Variants in SFMBT1 observed in about 807,000 individuals in gnomAD.
The protein encoded by SFMBT1 is Scm like with four mbt domains 1.
SFMBT1 carries 32 observed loss-of-function variants against 108.7 expected under a neutral mutation model. The observed-to-expected ratio is 0.29, with a 90% confidence interval of 0.22 to 0.40. The LOEUF is 0.40. SFMBT1 is among the 10% of genes least tolerant of loss of function. The pLI, the probability that SFMBT1 is intolerant of heterozygous loss-of-function variation, is 1.00. For synonymous variants in SFMBT1, 348 were observed against 369.5 expected, an observed-to-expected ratio of 0.94 and a Z score of 0.67; for missense variants, 816 against 1,059.6, an observed-to-expected ratio of 0.77 and a Z score of 3.19.
rs1702011957 is a variant in SFMBT1, at chr3:52,904,136, TG to T, written c.*999del. 1 of 152,218 alleles carries T rather than the reference TG, an allele frequency of 6.6e-6. No homozygotes were observed. Among genetic ancestry groups the T allele is most frequent in the Non-Finnish European group, 1.5e-5 (1 of 68,056 alleles). The allele number at this position is 152,218 out of a possible 1,614,324, so 9.4% of individuals were successfully genotyped here. ...ACAAATGGGCTTCGCTGTGGGTCCATGGAACACTTACTGATTTTCACCCAAA... is the reference window on the plus strand; with the variant it reads ...ACAAATGGGCTTCGCTGTGGGTCCATGAACACTTACTGATTTTCACCCAAA... On this transcript the variant is annotated 3_prime_UTR_variant, in exon 21 of 21. Transcript: ENST00000394752.
intron 1 of SFMBT1, among the ~76,000 whole-genome samples, chr3:53,011,289 G>A (rs1343482617): frequency 1.3e-5 from 2 of 152,134 alleles, no homozygotes; most frequent in African/African-American, 2.4e-5. Flanking sequence ...AGGGTACCAA[G>A]GCTGGCATCA....
At chr3:52,952,133 C>G (rs977686027) in intron 3 of SFMBT1, among the ~76,000 whole-genome samples, 1 of 151,732 alleles carries the variant, frequency 6.6e-6, no homozygotes, top group East Asian at 1.9e-4. Context: ...CTGAGGCGGG[C>G]GGATCACGAG....
At chr3:52,972,132 G>A (rs546801526) in intron 1 of SFMBT1, among the ~76,000 whole-genome samples, 1 of 152,310 alleles carries the variant, frequency 6.6e-6, no homozygotes, top group Non-Finnish European at 1.5e-5. Flanking sequence ...GGGTCACTAG[G>A]CTTTGAAGAT....
At chr3:52,983,371 A>T (rs902868099) in intron 1 of SFMBT1, among the ~76,000 whole-genome samples, 1 of 152,200 alleles carries the variant, frequency 6.6e-6, no homozygotes, top group African/African-American at 2.4e-5. Flanking sequence ...GTGTTGATTG[A>T]CTGCTTATGT....
At chr3:52,913,908 G>A (rs537003752) in intron 14 of SFMBT1, among the ~76,000 whole-genome samples, 4 of 152,072 alleles carry the variant, frequency 2.6e-5, no homozygotes, top group African/African-American at 9.6e-5. Context: ...GAAAGTGGAG[G>A]GTGTATTTTA....
chr3:52,960,986 A>G (rs1428899873), intron 2 of SFMBT1, among the ~76,000 whole-genome samples: 1 of 152,198 alleles, frequency 6.6e-6, no homozygotes, highest in Non-Finnish European at 1.5e-5. Context: ...AATATTTTTA[A>G]AAGTAAGCTG....
At chr3:52,906,779 C>G (rs989264286) in intron 19 of SFMBT1, among the ~76,000 whole-genome samples, 31 of 152,154 alleles carry the variant, frequency 2.0e-4, no homozygotes, top group African/African-American at 7.0e-4. Flanking sequence ...GCAGTTTTCC[C>G]AAAAATAAAT....
intron 17 of SFMBT1, among the ~76,000 whole-genome samples, chr3:52,910,478 C>G (rs1217231595): frequency 6.6e-6 from 1 of 152,102 alleles, no homozygotes; most frequent in African/African-American, 2.4e-5. Context: ...ATTACCCTTA[C>G]ATTTTTTAAA....
At chr3:52,949,656 G>C (rs766208054) in intron 3 of SFMBT1, among the ~76,000 whole-genome samples, 1 of 125,812 alleles carries the variant, frequency 7.9e-6, no homozygotes, top group African/African-American at 3.0e-5. Flanking sequence ...TCGGCTCACC[G>C]CAACCTCCGC....
At chr3:52,974,731 C>A (rs996723397) in intron 1 of SFMBT1, among the ~76,000 whole-genome samples, 19 of 151,280 alleles carry the variant, frequency 1.3e-4, no homozygotes, top group African/African-American at 4.6e-4. Flanking sequence ...TGGCTCACGC[C>A]TGTAATCCCA....
chr3:52,930,303 T>G (rs1331714119), intron 8 of SFMBT1, 26 bp downstream of exon 8: 1 of 1,388,978 alleles, frequency 7.2e-7, no homozygotes. Context: ...CAGGGATTCT[T>G]ACCAAGAGAG....
intron 6 of SFMBT1, 86 bp downstream of exon 6, chr3:52,931,976 A>C: frequency 7.0e-7 from 1 of 1,427,906 alleles, no homozygotes; most frequent in Non-Finnish European, 9.4e-7. Context: ...TTTTCATAAT[A>C]TGCAGAATAT....
At position 53,030,867 on chromosome 3, in the gene SFMBT1, A is replaced by G. The variant is rs561234419; in HGVS notation, c.-131+14949T>C. On this transcript the variant is annotated intron_variant, in intron 1 of 20. Transcript: ENST00000394752. Reference sequence around the variant, plus strand: ...TGAGTCAACAGTTTTACATAAGATTATTTTGTTTCTAAACTAACAACTTTA... The same window carrying G: ...TGAGTCAACAGTTTTACATAAGATTGTTTTGTTTCTAAACTAACAACTTTA... Among the ~76,000 whole-genome samples, 10 of 152,314 alleles carry G rather than the reference A, an allele frequency of 6.6e-5. No individual in the cohort carries two copies. In the South Asian group the frequency reaches 2.1e-3, roughly 32 times the overall value.
intron 2 of SFMBT1, among the ~76,000 whole-genome samples, chr3:52,966,889 G>A (rs1453058724): frequency 6.7e-6 from 1 of 149,202 alleles, no homozygotes; most frequent in African/African-American, 2.5e-5. Context: ...AGAGGGTAAA[G>A]AGAAGTAAAA....
At chr3:52,999,073 T>C (rs1458424736) in intron 1 of SFMBT1, among the ~76,000 whole-genome samples, 2 of 150,820 alleles carry the variant, frequency 1.3e-5, no homozygotes, top group Non-Finnish European at 1.5e-5. Flanking sequence ...CCCGAGGACA[T>C]GCTCTTCACC....
intron 1 of SFMBT1, among the ~76,000 whole-genome samples, chr3:53,015,313 T>G (rs1387613741): frequency 6.6e-6 from 1 of 151,688 alleles, no homozygotes; most frequent in Non-Finnish European, 1.5e-5. Flanking sequence ...ACAAGTGCTG[T>G]CAAGGATGTG....
intron 1 of SFMBT1, among the ~76,000 whole-genome samples, chr3:53,035,958 C>T (rs551835793): frequency 2.6e-5 from 4 of 152,302 alleles, no homozygotes; most frequent in Admixed American, 2.6e-4. Context: ...TTTGATGAAG[C>T]TCTTTTTAAT....
rs71087045 is a variant in SFMBT1 at position 52,991,342 on chromosome 3, C to CTTTTT, written c.-130-22089_-130-22085dup. On this transcript the variant is annotated intron_variant, in intron 1 of 20. Transcript: ENST00000394752. ...ACCCAAAATTCACATGCTGAAACTT[C>CTTTTT]TTTTTTTTTTTTTTTTTTTGAGATG... 8.3e-3 allele frequency among the ~76,000 whole-genome samples: 761 copies of CTTTTT among 91,166 alleles called. 28 individuals are homozygous for CTTTTT. Among genetic ancestry groups the CTTTTT allele is most frequent in the African/African-American group, 0.023 (625 of 27,276 alleles). The allele number at this position is 91,166 out of a possible 152,430, so 59.8% of individuals were successfully genotyped here.
At chr3:53,001,375 G>C (rs756596054) in intron 1 of SFMBT1, among the ~76,000 whole-genome samples, 1 of 150,194 alleles carries the variant, frequency 6.7e-6, no homozygotes, top group African/African-American at 2.4e-5. Context: ...AGGCTGCAGT[G>C]AGCCATGATC....
Sources: gnomAD v4.1 joint callset for allele counts (sites outside exome capture counted in the v4.1 genomes callset) on GRCh38, gnomAD v4.1.1 for gene constraint, MANE v1.5 for transcripts, NCBI Gene and HGNC (gene_info 2026-07-23, HGNC 2026-07-21) for gene names.